Variants in OSTF1 observed in about 807,000 individuals in gnomAD.
OSTF1 encodes osteoclast stimulating factor 1.
In OSTF1, 27 loss-of-function variants were observed where a neutral mutation model predicts 37.2. That is an observed-to-expected ratio of 0.73 (90% CI 0.54 to 1.00). The LOEUF (loss-of-function observed/expected upper bound fraction) is 1.00, where lower values mean the gene tolerates loss of function less well. Ranked by LOEUF, OSTF1 falls within the 50% of genes least tolerant of loss-of-function variation. The pLI is 0.00. For synonymous variants in OSTF1, 82 were observed against 89.2 expected (o/e 0.92, Z 0.46); for missense variants, 232 against 253.8 (o/e 0.91, Z 0.58).
chr9:75,139,060 T>TCTTTCTTTCTTTCTTTC (rs1187745291), intron 8 of OSTF1, among the ~76,000 whole-genome samples: 1 of 142,800 alleles, frequency 7.0e-6, no homozygotes, highest in African/African-American at 2.9e-5. Context: ...CTTTCTTTTT[T>TCTTTCTTTCTTTCTTTC]TTTTGAAACT....
intron 9 of OSTF1, among the ~76,000 whole-genome samples, chr9:75,144,327 G>T (rs1026867019): frequency 1.3e-5 from 2 of 152,154 alleles, no homozygotes; most frequent in South Asian, 4.1e-4. Flanking sequence ...AGGCAGGGAG[G>T]ATTGCTTGCA....
In OSTF1 at chr9:75,144,096, A is replaced by T. The variant is rs137959530; in HGVS notation, c.587-2587A>T. Among the ~76,000 whole-genome samples, 317 of 152,374 alleles carry T rather than the reference A, an allele frequency of 2.1e-3. 1 individual carries two copies. The highest frequency in any genetic ancestry group is 0.01 in the Middle Eastern group (3 of 294). On this transcript the variant is annotated intron_variant, in intron 9 of 9. Transcript: ENST00000346234. ...CTATTTGTCTCTCAGGCTTTAGCTT[A>T]GAAAGCTACATTTTACCAAGTTGAC... is the stretch of plus-strand genomic sequence containing the variant.
At chr9:75,127,464 A>G in intron 2 of OSTF1, 105 bp from the exon 3 acceptor site, 1 of 616,246 alleles carries the variant, frequency 1.6e-6, no homozygotes, top group Non-Finnish European at 2.8e-6. Flanking sequence ...ATTTAAGTGT[A>G]TAAAACCACA....
chr9:75,098,956 G>T (rs965219540), intron 1 of OSTF1, among the ~76,000 whole-genome samples: 1 of 152,104 alleles, frequency 6.6e-6, no homozygotes, highest in Non-Finnish European at 1.5e-5. Flanking sequence ...TTATTTTAGA[G>T]ATGGAGTTTT....
chr9:75,115,645 GT>G (rs1173233543), intron 1 of OSTF1, among the ~76,000 whole-genome samples: 36 of 81,226 alleles, frequency 4.4e-4, no homozygotes, highest in Middle Eastern at 5.9e-3. Context: ...CCCTTTTTTT[GT>G]TTTTTTTTTG....
chr9:75,097,284 A>G (rs1454213744), intron 1 of OSTF1, among the ~76,000 whole-genome samples: 1 of 152,178 alleles, frequency 6.6e-6, no homozygotes, highest in Non-Finnish European at 1.5e-5. Context: ...AGGAGTCACT[A>G]CTATGGTGAC....
intron 1 of OSTF1, among the ~76,000 whole-genome samples, chr9:75,112,745 C>G: frequency 6.6e-6 from 1 of 152,334 alleles, no homozygotes; most frequent in East Asian, 1.9e-4. Flanking sequence ...TGAATTTCAC[C>G]TAAACCCATT....
intron 1 of OSTF1, among the ~76,000 whole-genome samples, chr9:75,104,078 C>CA (rs1199514732): frequency 9.5e-5 from 14 of 147,816 alleles, no homozygotes; most frequent in South Asian, 8.6e-4. Flanking sequence ...AAATACAAAA[C>CA]AAAAAAAAAA....
intron 1 of OSTF1, among the ~76,000 whole-genome samples, chr9:75,108,687 G>C (rs1423216684): frequency 6.6e-6 from 1 of 152,072 alleles, no homozygotes; most frequent in East Asian, 1.9e-4. Flanking sequence ...TCATCATTAA[G>C]CAAATATTCA....
intron 1 of OSTF1, among the ~76,000 whole-genome samples, chr9:75,113,574 C>A (rs1180573346): frequency 6.6e-6 from 1 of 152,004 alleles, no homozygotes; most frequent in Non-Finnish European, 1.5e-5. Flanking sequence ...TCAGCCTCCC[C>A]AGTAACTGGT....
intron 9 of OSTF1, among the ~76,000 whole-genome samples, chr9:75,143,111 T>C (rs1266193791): frequency 6.6e-6 from 1 of 152,110 alleles, no homozygotes; most frequent in Non-Finnish European, 1.5e-5. Flanking sequence ...GGCTAATTTT[T>C]GTATTTTTAT....
chr9:75,101,284 G>A (rs1484543844), intron 1 of OSTF1, among the ~76,000 whole-genome samples: 2 of 152,200 alleles, frequency 1.3e-5, no homozygotes, highest in Non-Finnish European at 2.9e-5. Context: ...CACCAGGCAA[G>A]CCACTTTTAT....
At chr9:75,132,466 G>A (rs927509332) in intron 5 of OSTF1, among the ~76,000 whole-genome samples, 4 of 152,184 alleles carry the variant, frequency 2.6e-5, no homozygotes, top group Non-Finnish European at 1.5e-5. Context: ...TGTCATGACT[G>A]GAGGGATGTT....
At position 75,127,649 on chromosome 9, in the gene OSTF1, C is replaced by A. The variant is rs368329520; in HGVS notation, c.132+30C>A. On this transcript the variant is annotated intron_variant, in intron 3 of 9. Coordinates refer to ENST00000346234, the MANE Select transcript of OSTF1 (RefSeq NM_012383.5). The stretch of plus-strand genomic sequence containing the variant: ...GTCCAGATAACATCTTGTAATACCA[C>A]ATATAAAGACTGTTTTATGTAGCTA... 3.1e-5 allele frequency: 36 copies of A among 1,169,958 alleles called. No individual in the cohort carries two copies. In the Admixed American group the frequency reaches 5.2e-4, roughly 17 times the overall value. 72.5% of individuals were successfully genotyped at this position (1,169,958 alleles called of 1,614,324 possible). A position where few individuals can be genotyped will look rare whatever the true frequency, so the allele number is the denominator to read the frequency against.
chr9:75,093,369 T>C (rs1825017058), intron 1 of OSTF1, among the ~76,000 whole-genome samples: 1 of 152,210 alleles, frequency 6.6e-6, no homozygotes, highest in Admixed American at 6.5e-5. Flanking sequence ...TGTAAAATCT[T>C]TTTAAAAATA....
chr9:75,096,964 T>C (rs573927385), intron 1 of OSTF1, among the ~76,000 whole-genome samples: 32 of 152,320 alleles, frequency 2.1e-4, no homozygotes, highest in African/African-American at 7.7e-4. Context: ...TAGCACGTAT[T>C]ATTTCATTGC....
chr9:75,120,686 G>A (rs9695333), intron 2 of OSTF1, among the ~76,000 whole-genome samples: 11,764 of 152,082 alleles, frequency 0.077, 964 homozygotes, highest in African/African-American at 0.21. Flanking sequence ...TGTCGTCTGA[G>A]CTAGATTGGC....
At chr9:75,141,573 T>G (rs758906909) in intron 9 of OSTF1, among the ~76,000 whole-genome samples, 5 of 152,116 alleles carry the variant, frequency 3.3e-5, no homozygotes, top group Non-Finnish European at 7.4e-5. Context: ...TATTTATGAG[T>G]GATTACCACT....
intron 1 of OSTF1, among the ~76,000 whole-genome samples, chr9:75,116,156 A>G (rs1171896555): frequency 3.3e-5 from 5 of 151,904 alleles, no homozygotes; most frequent in African/African-American, 7.3e-5. Context: ...AAAAATTACA[A>G]TATAACTATT....
Sources: allele counts gnomAD v4.1 joint callset (sites outside exome capture counted in the v4.1 genomes callset), GRCh38; gene constraint gnomAD v4.1.1; transcripts MANE v1.5; gene names NCBI Gene and HGNC (gene_info 2026-07-23, HGNC 2026-07-21).